Variants in SLC36A1 observed in about 807,000 individuals in gnomAD.
SLC36A1 encodes the protein proton-coupled amino acid transporter 1.
In SLC36A1, 30 loss-of-function variants were observed where a neutral mutation model predicts 47.5. The observed-to-expected ratio is 0.63, with a 90% CI of 0.47 to 0.86. The LOEUF (loss-of-function observed/expected upper bound fraction) is 0.86, where lower values mean the gene tolerates loss of function less well. Among genes scored for constraint, SLC36A1 ranks in the 40% least tolerant of loss-of-function variants. The pLI is 0.00. For missense variants in SLC36A1, 517 were observed against 606.0 expected, an observed-to-expected ratio of 0.85 and a Z score of 1.54; for synonymous variants, 255 against 249.7, an observed-to-expected ratio of 1.02 and a Z score of -0.20.
At chr5:151,475,272 C>G in intron 8 of SLC36A1, among the ~76,000 whole-genome samples, 1 of 152,182 alleles carries the variant, frequency 6.6e-6, no homozygotes, top group East Asian at 1.9e-4. Context: ...CTTGGGCATC[C>G]TAAGGGACCT....
In SLC36A1 at chr5:151,481,102, C is replaced by A. The variant is rs139549780; in HGVS notation, c.1159+1613C>A. On this transcript the variant is annotated intron_variant, in intron 10 of 10. Coordinates refer to ENST00000243389, the MANE Select transcript of SLC36A1 (RefSeq NM_078483.4). ...GCAGCACCCTGCAGGAGACAGCAGT[C>A]TCTGATTCACAGACCTCATGTTATC... Among the ~76,000 whole-genome samples, 813 of 152,334 alleles carry A rather than the reference C, an allele frequency of 5.3e-3. 7 individuals carry two copies. The highest frequency in any genetic ancestry group is 9.6e-3 in the Non-Finnish European group (655 of 68,024).
rs148621809 is a variant in SLC36A1 at position 151,441,355 on chromosome 5, G to A, written c.-6+4176G>A. Among the ~76,000 whole-genome samples the A allele has an allele frequency of 9.2e-5, 14 of 152,270 alleles. No individual in the cohort carries two copies. In the East Asian group the frequency reaches 2.5e-3, roughly 27 times the overall value. The stretch of plus-strand genomic sequence containing the variant: ...TCTAAGGCAAAGTTTTTAATAGTAT[G>A]TGCTATAAACAAGAGGTTGTATTTA... On this transcript the variant is annotated intron_variant, in intron 1 of 8. Transcript: ENST00000429484.
chr5:151,473,910 A>C, intron 8 of SLC36A1, 139 bp downstream of exon 8: 1 of 702,566 alleles, frequency 1.4e-6, no homozygotes, highest in Non-Finnish European at 2.4e-6. Context: ...CTGTAATCTC[A>C]GCACTTTGGG....
rs181550318 is a variant in SLC36A1, at chr5:151,479,051, G to A, written c.990-269G>A. Among the ~76,000 whole-genome samples, 64 of 152,276 alleles carry A rather than the reference G, an allele frequency of 4.2e-4. No homozygotes were observed. The East Asian group carries it at 0.012, about 28-fold the overall frequency. On this transcript the variant is annotated intron_variant, in intron 9 of 10. Coordinates refer to ENST00000243389, the MANE Select transcript of SLC36A1 (RefSeq NM_078483.4). Reference sequence around the variant, plus strand: ...ACGGGGGCACCACGATTTACCTATCGAGTTCCCACTGGTTAACATTTAAAT... The same window carrying A: ...ACGGGGGCACCACGATTTACCTATCAAGTTCCCACTGGTTAACATTTAAAT...
At chr5:151,419,124 C>A in the SLC36A1 span, among the ~76,000 whole-genome samples, 1 of 152,182 alleles carries the variant, frequency 6.6e-6, no homozygotes, top group Admixed American at 6.5e-5. Context: ...TGAGGCTTCC[C>A]AAACCATGCT....
chr5:151,488,748 G>A lies in SLC36A1; in HGVS notation c.*494G>A, dbSNP rs553643550. The stretch of plus-strand genomic sequence containing the variant: ...TTGTATCTCAGTATTCTTCCTATTC[G>A]AGTCTCCAGGGGGTGGCTGGACCTA... On this transcript the variant is annotated 3_prime_UTR_variant, in exon 11 of 11. Coordinates refer to ENST00000243389, the MANE Select transcript of SLC36A1 (RefSeq NM_078483.4). The A allele has an allele frequency of 1.3e-4, 22 of 162,972 alleles. No homozygotes were observed. In the South Asian group the frequency reaches 3.6e-3, roughly 27 times the overall value. 10.1% of individuals were successfully genotyped at this position (162,972 alleles called of 1,614,324 possible). A position where few individuals can be genotyped will look rare whatever the true frequency, so the allele number is the denominator to read the frequency against.
At chr5:151,438,410 A>G (rs1370760807) in intron 1 of SLC36A1, among the ~76,000 whole-genome samples, 1 of 150,422 alleles carries the variant, frequency 6.6e-6, no homozygotes, top group African/African-American at 2.5e-5. Context: ...AAAAAAAAAA[A>G]CACCTCAGGT....
At chr5:151,504,204 GCTCT>G in the SLC36A1 span, 1 of 152,662 alleles carries the variant, frequency 6.6e-6, no homozygotes, top group Non-Finnish European at 1.5e-5. Flanking sequence ...ACACAAATTG[GCTCT>G]CGCCCACACA....
chr5:151,512,410 G>A, the SLC36A1 span: 1 of 1,614,118 alleles, frequency 6.2e-7, no homozygotes, highest in Non-Finnish European at 8.5e-7. The surrounding 1 kb of genome is among the most constrained non-coding windows in gnomAD (Gnocchi z 4.1). Context: ...GTGCCTTTCG[G>A]GCCTCAGACC....
the SLC36A1 span, among the ~76,000 whole-genome samples, chr5:151,404,919 G>C: frequency 6.6e-6 from 1 of 152,078 alleles, no homozygotes; most frequent in African/African-American, 2.4e-5. Flanking sequence ...TGAATTTCTT[G>C]CATTTGCACA....
chr5:151,549,538 G>A, the SLC36A1 span: 1 of 1,597,326 alleles, frequency 6.3e-7, no homozygotes, highest in African/African-American at 1.3e-5. Context: ...TGGGTAAGCA[G>A]CAAATGGAAT....
At chr5:151,463,756 A>C (rs1755933705) in intron 3 of SLC36A1, 113 bp downstream of exon 3, 1 of 820,342 alleles carries the variant, frequency 1.2e-6, no homozygotes, top group Non-Finnish European at 2.0e-6. Context: ...CATTTTAAAA[A>C]AATCAGTTGA....
At chr5:151,500,631 G>A in the SLC36A1 span, among the ~76,000 whole-genome samples, 2 of 152,224 alleles carry the variant, frequency 1.3e-5, no homozygotes, top group Non-Finnish European at 2.9e-5. Context: ...GCCTCCCAAA[G>A]TGCTGGGATT....
At chr5:151,387,150 T>A in the SLC36A1 span, 1 of 152,506 alleles carries the variant, frequency 6.6e-6, no homozygotes, top group Non-Finnish European at 1.5e-5. Flanking sequence ...ACAGGCACAA[T>A]GATCTTGGCA....
At chr5:151,355,027 G>A in the SLC36A1 span, among the ~76,000 whole-genome samples, 81 of 152,264 alleles carry the variant, frequency 5.3e-4, 1 homozygote, top group East Asian at 0.014. Flanking sequence ...CCTACTGACC[G>A]AGGAAAAACA....
At chr5:151,430,002 A>G in the SLC36A1 span, among the ~76,000 whole-genome samples, 3 of 152,202 alleles carry the variant, frequency 2.0e-5, no homozygotes, top group South Asian at 4.2e-4. Flanking sequence ...GATATAGAAG[A>G]TCCCTTTTTT....
At chr5:151,406,408 A>G in the SLC36A1 span, 2 of 152,154 alleles carry the variant, frequency 1.3e-5, no homozygotes, top group African/African-American at 2.4e-5. Context: ...TACCCCATGC[A>G]CCTTCTTCAC....
chr5:151,546,477 G>A, the SLC36A1 span: 1 of 602,490 alleles, frequency 1.7e-6, no homozygotes, highest in Non-Finnish European at 2.9e-6. Context: ...CCTGGATATA[G>A]TGTATAGAGT....
the SLC36A1 span, chr5:151,522,161 T>G: frequency 1.6e-6 from 2 of 1,217,438 alleles, no homozygotes; most frequent in African/African-American, 3.0e-5. Flanking sequence ...CTGGGCCTCC[T>G]TGTGGAGCTA....
Sources: gnomAD v4.1 joint callset for allele counts (sites outside exome capture counted in the v4.1 genomes callset) on GRCh38, gnomAD v4.1.1 for gene constraint, Gnocchi (gnomAD v3.1) non-coding constraint, MANE v1.5 for transcripts, NCBI Gene and HGNC (gene_info 2026-07-23, HGNC 2026-07-21) for gene names.